The following FAM120A variants were observed in gnomAD, a reference collection of about 807,000 sequenced individuals.
FAM120A encodes the protein family with sequence similarity 120 member A.
FAM120A carries 15 observed loss-of-function variants against 109.7 expected under a neutral mutation model. The ratio of observed to expected loss-of-function variants is 0.14; its 90% confidence interval spans 0.09 to 0.21. FAM120A has a LOEUF of 0.21. Among genes scored for constraint, FAM120A ranks in the 10% least tolerant of loss-of-function variants. The pLI, the probability that FAM120A is intolerant of heterozygous loss-of-function variation, is 1.00. For synonymous variants in FAM120A, 493 were observed against 572.8 expected, an observed-to-expected ratio of 0.86 and a Z score of 1.99; for missense variants, 899 against 1,439.3, an observed-to-expected ratio of 0.62 and a Z score of 6.07.
intron 5 of FAM120A, among the ~76,000 whole-genome samples, chr9:93,502,259 C>G (rs1283303165): frequency 6.6e-6 from 1 of 152,016 alleles, no homozygotes; most frequent in Non-Finnish European, 1.5e-5. Flanking sequence ...ATATTATAAG[C>G]TTAGAGAGCA....
chr9:93,487,498 G>A (rs1859114635), intron 3 of FAM120A, among the ~76,000 whole-genome samples: 1 of 152,134 alleles, frequency 6.6e-6, no homozygotes, highest in Non-Finnish European at 1.5e-5. Context: ...CCAGATTCAA[G>A]TCTATTATTA....
intron 7 of FAM120A, among the ~76,000 whole-genome samples, chr9:93,526,890 G>A (rs533456220): frequency 4.6e-5 from 7 of 152,304 alleles, no homozygotes; most frequent in East Asian, 1.9e-4. Flanking sequence ...CCTCTATAGC[G>A]CTAAGCAAAT....
chr9:93,455,897 G>C (rs1161616372), intron 1 of FAM120A, among the ~76,000 whole-genome samples: 1 of 152,142 alleles, frequency 6.6e-6, no homozygotes, highest in Non-Finnish European at 1.5e-5. Context: ...TCCTGACCTC[G>C]TGATCCACCT....
chr9:93,472,803 A>G (rs1302495769), intron 2 of FAM120A, among the ~76,000 whole-genome samples: 2 of 152,164 alleles, frequency 1.3e-5, no homozygotes, highest in Non-Finnish European at 2.9e-5. Flanking sequence ...TATCAAAACG[A>G]TTGCGCTATT....
At chr9:93,492,178 G>GTATATA (rs10631729) in intron 3 of FAM120A, among the ~76,000 whole-genome samples, 1 of 151,288 alleles carries the variant, frequency 6.6e-6, no homozygotes, top group African/African-American at 2.4e-5. Context: ...GTGTGTGTGT[G>GTATATA]TGTATATATA....
In FAM120A at chr9:93,476,314, A is replaced by G. The variant is rs780176200; in HGVS notation, c.780A>G (p.Pro260=). The change falls in exon 3 of 18, where the codon CCA becomes CCG. Residue 260 remains proline (P), a synonymous_variant. Coordinates refer to ENST00000277165, the MANE Select transcript of FAM120A (RefSeq NM_014612.5). ...LASFHWSLLG[P]EHPLASLKVR... is the part of the protein sequence containing the mutation. ...CCTTTCACTGGAGTTTACTTGGTCCAGAACATCCACTAGCCTCACTAAAGG... is the reference window on the plus strand; with the variant it reads ...CCTTTCACTGGAGTTTACTTGGTCCGGAACATCCACTAGCCTCACTAAAGG... 6 of 1,608,442 alleles carry G rather than the reference A, an allele frequency of 3.7e-6. No homozygotes were observed. In the African/African-American group the frequency reaches 4.0e-5, roughly 11 times the overall value.
chr9:93,542,914 A>T lies in FAM120A; in HGVS notation c.1910-308A>T, dbSNP rs866002486. Among the ~76,000 whole-genome samples the T allele has an allele frequency of 2.0e-5, 3 of 152,370 alleles. No homozygotes were observed. The South Asian group carries it at 6.2e-4, about 32-fold the overall frequency. On this transcript the variant is annotated intron_variant, in intron 10 of 17. Coordinates refer to ENST00000277165, the MANE Select transcript of FAM120A (RefSeq NM_014612.5). Reference sequence around the variant, plus strand: ...AACTATTTGTAGATATAAAATATTAAAATGGATTTTGTCTAACATCTTGAT... The same window carrying T: ...AACTATTTGTAGATATAAAATATTATAATGGATTTTGTCTAACATCTTGAT...
chr9:93,476,464 A>G, intron 3 of FAM120A, 126 bp downstream of exon 3: 1 of 653,596 alleles, frequency 1.5e-6, no homozygotes, highest in East Asian at 2.8e-5. Context: ...TTTTCCCATA[A>G]TTTCAGGATC....
chr9:93,476,587 T>C (rs909302571), intron 3 of FAM120A, among the ~76,000 whole-genome samples: 2 of 152,206 alleles, frequency 1.3e-5, no homozygotes, highest in African/African-American at 2.4e-5. Flanking sequence ...TTCTTTGTGC[T>C]GTGTACCTAG....
At position 93,558,038 on chromosome 9, in the gene FAM120A, G is replaced by A. The variant is rs374779460; in HGVS notation, c.2668+28G>A. 5 of 1,544,212 alleles carry A rather than the reference G, an allele frequency of 3.2e-6. No homozygotes were observed. The African/African-American group carries it at 5.4e-5, about 17-fold the overall frequency. On this transcript the variant is annotated intron_variant, in intron 14 of 17. Coordinates refer to ENST00000277165, the MANE Select transcript of FAM120A (RefSeq NM_014612.5). ...GAGTTGATTGGGACGTATTCCTGTGGGTAACAGATGCCAGATTCCTGTAAA... is the reference window on the plus strand; with the variant it reads ...GAGTTGATTGGGACGTATTCCTGTGAGTAACAGATGCCAGATTCCTGTAAA...
At chr9:93,465,670 G>A (rs182518621) in intron 1 of FAM120A, among the ~76,000 whole-genome samples, 1 of 152,230 alleles carries the variant, frequency 6.6e-6, no homozygotes, top group East Asian at 1.9e-4. Context: ...AGCTTCCAGG[G>A]AATGTTCACT....
intron 5 of FAM120A, among the ~76,000 whole-genome samples, chr9:93,509,507 G>A (rs796735380): frequency 1.2e-4 from 18 of 152,308 alleles, no homozygotes; most frequent in East Asian, 3.9e-4. Context: ...TGTCAAGAAC[G>A]TGTTTAGTTT....
intron 3 of FAM120A, among the ~76,000 whole-genome samples, chr9:93,479,656 C>T (rs533613145): frequency 2.6e-5 from 4 of 152,246 alleles, no homozygotes; most frequent in East Asian, 1.9e-4. Flanking sequence ...CATCAGTAGT[C>T]GATAATTTAT....
intron 9 of FAM120A, chr9:93,529,864 A>C (rs143477909): frequency 3.6e-6 from 2 of 549,632 alleles, no homozygotes; most frequent in Admixed American, 7.3e-5. Context: ...ATGACTTGTA[A>C]TTTTATTCTT....
At chr9:93,484,465 C>A (rs1383083539) in intron 3 of FAM120A, among the ~76,000 whole-genome samples, 1 of 152,140 alleles carries the variant, frequency 6.6e-6, no homozygotes, top group African/African-American at 2.4e-5. Context: ...TGAGTGGGAT[C>A]TGAAAGATAC....
At chr9:93,469,462 A>G (rs1036125333) in intron 1 of FAM120A, among the ~76,000 whole-genome samples, 1 of 152,198 alleles carries the variant, frequency 6.6e-6, no homozygotes, top group Non-Finnish European at 1.5e-5. Context: ...ACTATTAAAG[A>G]TGTCTGGAAA....
chr9:93,459,751 G>A (rs986864809), intron 1 of FAM120A, among the ~76,000 whole-genome samples: 2 of 152,198 alleles, frequency 1.3e-5, no homozygotes, highest in African/African-American at 4.8e-5. Flanking sequence ...TGTCACAGCT[G>A]GGGGAGGATG....
chr9:93,541,077 T>TGGG (rs11449201), intron 10 of FAM120A, among the ~76,000 whole-genome samples: 10 of 150,098 alleles, frequency 6.7e-5, no homozygotes, highest in Non-Finnish European at 1.2e-4. Context: ...ATGTGTGTGG[T>TGGG]GGGGGGTGTG....
chr9:93,471,466 C>T, intron 2 of FAM120A, 79 bp downstream of exon 2: 1 of 1,552,090 alleles, frequency 6.4e-7, no homozygotes. Flanking sequence ...TGTTTCTGTG[C>T]TTGAATGTTT....
Sources: gnomAD v4.1 joint callset for allele counts (sites outside exome capture counted in the v4.1 genomes callset) on GRCh38, gnomAD v4.1.1 for gene constraint, MANE v1.5 for transcripts, NCBI Gene and HGNC (gene_info 2026-07-23, HGNC 2026-07-21) for gene names.